The following TSHZ2 variants were observed in gnomAD, a reference collection of about 807,000 sequenced individuals.
TSHZ2 encodes the protein teashirt homolog 2.
A neutral mutation model predicts 74.4 loss-of-function variants in TSHZ2; 21 were observed. That is an observed-to-expected ratio of 0.28 (90% CI 0.20 to 0.41). TSHZ2 has a LOEUF of 0.41. Among genes scored for constraint, TSHZ2 ranks in the 10% least tolerant of loss-of-function variants. TSHZ2 has a pLI of 1.00. For missense variants in TSHZ2, 1,244 were observed against 1,293.5 expected (o/e 0.96, Z 0.59); for synonymous variants, 540 against 515.3 (o/e 1.05, Z -0.65).
intron 2 of TSHZ2, among the ~76,000 whole-genome samples, chr20:53,278,270 C>T (rs1990984838): frequency 6.6e-6 from 1 of 152,342 alleles, no homozygotes; most frequent in South Asian, 2.1e-4. Context: ...TTCTCACTTT[C>T]CTGATATTTT....
At chr20:53,361,979 G>T (rs1360638057) in intron 2 of TSHZ2, among the ~76,000 whole-genome samples, 2 of 151,718 alleles carry the variant, frequency 1.3e-5, no homozygotes, top group Non-Finnish European at 2.9e-5. Context: ...TCGTGCGATG[G>T]CGCCATCTCG....
chr20:53,417,906 C>T (rs960962080), intron 2 of TSHZ2, among the ~76,000 whole-genome samples: 1 of 152,150 alleles, frequency 6.6e-6, no homozygotes, highest in Admixed American at 6.5e-5. Context: ...CTCAGCTGGT[C>T]CTGCTTTGAG....
intron 2 of TSHZ2, among the ~76,000 whole-genome samples, chr20:53,333,146 G>C (rs548589161): frequency 6.6e-6 from 1 of 152,180 alleles, no homozygotes; most frequent in Non-Finnish European, 1.5e-5. Flanking sequence ...ATCTAGAAAA[G>C]AGACACCTAT....
At chr20:53,134,340 G>T (rs1368760676) in intron 1 of TSHZ2, among the ~76,000 whole-genome samples, 1 of 152,216 alleles carries the variant, frequency 6.6e-6, no homozygotes, top group African/African-American at 2.4e-5. Flanking sequence ...GTTAATGTTA[G>T]CAAACTGTGT....
chr20:53,190,367 AC>A (rs1757332621), intron 1 of TSHZ2, among the ~76,000 whole-genome samples: 1 of 151,442 alleles, frequency 6.6e-6, no homozygotes, highest in African/African-American at 2.4e-5. Flanking sequence ...AATGACTTAC[AC>A]CAAGGGGGTT....
chr20:53,131,437 A>C (rs944201759), intron 1 of TSHZ2, among the ~76,000 whole-genome samples: 1 of 152,204 alleles, frequency 6.6e-6, no homozygotes, highest in Non-Finnish European at 1.5e-5. Context: ...TGTTTGCAGA[A>C]ATACCTGCTT....
intron 2 of TSHZ2, among the ~76,000 whole-genome samples, chr20:53,479,186 AAAG>A (rs1986080122): frequency 6.6e-6 from 1 of 151,960 alleles, no homozygotes; most frequent in Admixed American, 6.6e-5. Flanking sequence ...AAAAAAAAAA[AAAG>A]GAGAAAATTG....
At chr20:53,123,477 C>T (rs1248739493) in intron 1 of TSHZ2, among the ~76,000 whole-genome samples, 2 of 152,186 alleles carry the variant, frequency 1.3e-5, no homozygotes, top group African/African-American at 4.8e-5. Flanking sequence ...ATGGCTAGGA[C>T]AACTTGGTCC....
chr20:53,457,625 C>T lies in TSHZ2; in HGVS notation c.*9-29519C>T, dbSNP rs1191283725. ...ATAGGAGTGGTGACAGAGGGCATCC[C>T]TGTCTTGTGCCAGTTTTCAAAGGGA... is the stretch of plus-strand genomic sequence containing the variant. On this transcript the variant is annotated intron_variant, in intron 2 of 2. Transcript: ENST00000371497. 9.6e-5 allele frequency among the ~76,000 whole-genome samples: 13 copies of T among 135,010 alleles called. No homozygotes were observed. In the East Asian group the frequency reaches 2.6e-3, roughly 27 times the overall value. The allele number at this position is 135,010 out of a possible 152,430, so 88.6% of individuals were successfully genotyped here. A position where few individuals can be genotyped will look rare whatever the true frequency, so the allele number is the denominator to read the frequency against.
intron 1 of TSHZ2, among the ~76,000 whole-genome samples, chr20:53,201,433 C>T (rs1989001528): frequency 6.6e-6 from 1 of 152,128 alleles, no homozygotes; most frequent in African/African-American, 2.4e-5. Flanking sequence ...TCACGGTGAC[C>T]TCTGGTTCTG....
chr20:53,184,106 T>C (rs1269092867), intron 1 of TSHZ2, among the ~76,000 whole-genome samples: 3 of 152,250 alleles, frequency 2.0e-5, no homozygotes, highest in African/African-American at 7.2e-5. Flanking sequence ...CCTGCCATTT[T>C]TCTCTCTTTG....
Position 52,998,066 on chromosome 20 carries a change from T to C in TSHZ2, c.40+24733T>C, listed in dbSNP as rs551896046. 2.0e-5 allele frequency among the ~76,000 whole-genome samples: 3 copies of C among 152,342 alleles called. No homozygotes were observed. The South Asian group carries it at 6.2e-4, about 32-fold the overall frequency. On this transcript the variant is annotated intron_variant, in intron 1 of 2. Transcript: ENST00000371497. ...GTTGAGATTTTTAGAAGAGTTAGCC[T>C]ACCCTGAATGGTTGACTCCTGCCTC...
chr20:53,050,296 TCTCA>T (rs1336405486), intron 1 of TSHZ2, among the ~76,000 whole-genome samples: 4 of 151,762 alleles, frequency 2.6e-5, no homozygotes, highest in Non-Finnish European at 5.9e-5. Context: ...GCCGATTTAC[TCTCA>T]CTGTTGCTAA....
At position 53,169,222 on chromosome 20, in the gene TSHZ2, G is replaced by T. The variant is rs553424481; in HGVS notation, c.41-84277G>T. 1.3e-4 allele frequency among the ~76,000 whole-genome samples: 20 copies of T among 152,232 alleles called. No homozygotes were observed. The South Asian group carries it at 3.9e-3, about 30-fold the overall frequency. On this transcript the variant is annotated intron_variant, in intron 1 of 2. Transcript: ENST00000371497. ...CATTAGGTTAAGAAATTGAGAGTTG[G>T]TTCTCACCTTTCTGGGCTTTATTTG...
intron 2 of TSHZ2, among the ~76,000 whole-genome samples, chr20:53,312,208 TAAGGAC>T (rs1360335811): frequency 1.3e-5 from 2 of 152,288 alleles, no homozygotes; most frequent in East Asian, 3.9e-4. Flanking sequence ...TATAAGCACA[TAAGGAC>T]AGGGCAGTAG....
At position 53,326,450 on chromosome 20, in the gene TSHZ2, T is replaced by G. The variant is rs749041516; in HGVS notation, c.*8+69879T>G. ...ACTTATCACTTGTAATTTAGTCTAT[T>G]CCTCAGCAACGCCCATGATAGAGGT... On this transcript the variant is annotated intron_variant, in intron 2 of 2. Transcript: ENST00000371497. 9.2e-5 allele frequency among the ~76,000 whole-genome samples: 14 copies of G among 152,362 alleles called. No individual in the cohort carries two copies. The South Asian group carries it at 2.1e-3, about 23-fold the overall frequency.
intron 2 of TSHZ2, among the ~76,000 whole-genome samples, chr20:53,423,941 G>A (rs73913761): frequency 0.036 from 5,457 of 152,240 alleles, 290 homozygotes; most frequent in African/African-American, 0.12. Flanking sequence ...TAGAGTCCAG[G>A]GATGCAGCTA....
At chr20:53,282,720 C>T (rs747874487) in intron 2 of TSHZ2, among the ~76,000 whole-genome samples, 8 of 152,208 alleles carry the variant, frequency 5.3e-5, no homozygotes, top group Admixed American at 3.3e-4. Context: ...ACCTTTCAGA[C>T]TGGTGATTCG....
chr20:53,040,500 C>T (rs574503528), intron 1 of TSHZ2, among the ~76,000 whole-genome samples: 77 of 152,252 alleles, frequency 5.1e-4, no homozygotes, highest in Admixed American at 7.8e-4. Flanking sequence ...GGTTACACAA[C>T]TTGAGAGCAG....
Sources: gnomAD v4.1 joint callset for allele counts (sites outside exome capture counted in the v4.1 genomes callset) on GRCh38, gnomAD v4.1.1 for gene constraint, MANE v1.5 for transcripts, NCBI Gene and HGNC (gene_info 2026-07-23, HGNC 2026-07-21) for gene names.